Variants in MACROH2A1 observed in about 807,000 individuals in gnomAD.
The protein encoded by MACROH2A1 is macroH2A.1 histone.
In MACROH2A1, 2 loss-of-function variants were observed where a neutral mutation model predicts 31.6. That is an observed-to-expected ratio of 0.06 (90% CI 0.03 to 0.20). MACROH2A1 has a LOEUF of 0.20. Among genes scored for constraint, MACROH2A1 ranks in the 10% least tolerant of loss-of-function variants. MACROH2A1 has a pLI of 1.00. For synonymous variants in MACROH2A1, 169 were observed against 189.6 expected, an observed-to-expected ratio of 0.89 and a Z score of 0.89; for missense variants, 230 against 474.0, an observed-to-expected ratio of 0.49 and a Z score of 4.78.
At position 135,398,294 on chromosome 5, in the gene MACROH2A1, A is replaced by G. The variant is rs1345856504; in HGVS notation, c.-34+768T>C. Among the ~76,000 whole-genome samples, 1 of 151,738 alleles carries G rather than the reference A, an allele frequency of 6.6e-6. No homozygotes were observed. Among genetic ancestry groups the G allele is most frequent in the Admixed American group, 6.6e-5 (1 of 15,252 alleles). ...CACCTCCCCACTCCACCCCACCCCCAGCGAGGCTCTTTCCTGCTGGCCTTC... is the reference window on the plus strand; with the variant it reads ...CACCTCCCCACTCCACCCCACCCCCGGCGAGGCTCTTTCCTGCTGGCCTTC... On this transcript the variant is annotated intron_variant, in intron 1 of 8. Coordinates refer to ENST00000511689, the MANE Select transcript of MACROH2A1 (RefSeq NM_138610.3). This position sits in a 1 kb window ranked among gnomAD's most constrained non-coding sequence, Gnocchi z 4.6.
chr5:135,367,551 T>C (rs931017424), intron 4 of MACROH2A1, among the ~76,000 whole-genome samples: 1 of 152,162 alleles, frequency 6.6e-6, no homozygotes, highest in African/African-American at 2.4e-5. Flanking sequence ...CAGAAAGTCA[T>C]AGAACAAAAA....
chr5:135,339,418 G>A (rs1436791296), intron 8 of MACROH2A1, among the ~76,000 whole-genome samples: 3 of 152,206 alleles, frequency 2.0e-5, no homozygotes, highest in Non-Finnish European at 2.9e-5. Flanking sequence ...CCTGCTCTCA[G>A]TGAGCTCACC....
chr5:135,366,572 G>A (rs1272606102), intron 4 of MACROH2A1, among the ~76,000 whole-genome samples: 1 of 149,968 alleles, frequency 6.7e-6, no homozygotes, highest in African/African-American at 2.5e-5. Flanking sequence ...GGGCTCATAC[G>A]ATTTTTATTT....
chr5:135,353,208 T>C, intron 5 of MACROH2A1, 163 bp from the exon 6 acceptor site: 1 of 595,890 alleles, frequency 1.7e-6, no homozygotes, highest in African/African-American at 1.9e-5. Context: ...AACATAAGAC[T>C]CAAATGCTGC....
intron 2 of MACROH2A1, among the ~76,000 whole-genome samples, chr5:135,384,464 T>C (rs996270307): frequency 2.6e-5 from 4 of 152,138 alleles, no homozygotes; most frequent in Admixed American, 2.6e-4. Flanking sequence ...ATCCAGTCTG[T>C]AAAGTGGATA....
intron 5 of MACROH2A1, chr5:135,359,301 A>T (rs1218341783): frequency 1.0e-6 from 1 of 985,268 alleles, no homozygotes; most frequent in African/African-American, 1.7e-5. Context: ...CTTTCAATAC[A>T]TTACCCAAGG....
At chr5:135,346,264 T>G in intron 6 of MACROH2A1, 2 of 568,748 alleles carry the variant, frequency 3.5e-6, no homozygotes. Context: ...TGCTGCTTCA[T>G]CTGGCTGTCT....
intron 4 of MACROH2A1, among the ~76,000 whole-genome samples, chr5:135,366,984 C>T (rs1033639341): frequency 6.6e-6 from 1 of 152,190 alleles, no homozygotes; most frequent in African/African-American, 2.4e-5. Flanking sequence ...ATTTCCACTA[C>T]AGCTGACTCA....
intron 7 of MACROH2A1, chr5:135,343,730 T>C (rs1355979759): frequency 1.5e-5 from 6 of 410,880 alleles, no homozygotes; most frequent in Non-Finnish European, 2.7e-5. Context: ...GGCAGAGCCT[T>C]ATCCATCAAA....
Position 135,346,251 on chromosome 5 carries a change from A to G in MACROH2A1, c.689-194T>C, listed in dbSNP as rs924269435. ...TTGTCATCACCAGTTACTACCCTCAAATTGCTGCTTCATCTGGCTGTCTCT... is the reference window on the plus strand; with the variant it reads ...TTGTCATCACCAGTTACTACCCTCAGATTGCTGCTTCATCTGGCTGTCTCT... On this transcript the variant is annotated intron_variant, in intron 6 of 8. Transcript: ENST00000511689. 6.9e-6 allele frequency: 4 copies of G among 581,240 alleles called. No homozygotes were observed. In the Admixed American group the frequency reaches 8.4e-5, roughly 12 times the overall value. The allele number at this position is 581,240 out of a possible 1,614,324, so 36.0% of individuals were successfully genotyped here.
At chr5:135,351,087 G>C in intron 6 of MACROH2A1, 1 of 494,058 alleles carries the variant, frequency 2.0e-6, no homozygotes, top group Non-Finnish European at 3.6e-6. Context: ...GAGGACAGGA[G>C]GAGGAGGAAT....
rs1416061282 is a variant in MACROH2A1, at chr5:135,382,164, G to A, written c.172+6758C>T. Among the ~76,000 whole-genome samples the A allele has an allele frequency of 2.0e-5, 3 of 152,254 alleles. No individual in the cohort carries two copies. The East Asian group carries it at 5.8e-4, about 29-fold the overall frequency. On this transcript the variant is annotated intron_variant, in intron 2 of 8. Coordinates refer to ENST00000511689, the MANE Select transcript of MACROH2A1 (RefSeq NM_138610.3). ...TGCTTGTCTGTTGGCCCAAGCAAAA[G>A]AAGAACCCTTCATATGGAACTTGTC...
Position 135,334,493 on chromosome 5 carries a change from T to TAAGAC in MACROH2A1, c.*478_*482dup, listed in dbSNP as rs1758354701. The TAAGAC allele has an allele frequency of 5.7e-6, 1 of 174,186 alleles. No homozygotes were observed. The highest frequency in any genetic ancestry group is 2.4e-5 in the African/African-American group (1 of 41,724). The allele number at this position is 174,186 out of a possible 1,614,324, so 10.8% of individuals were successfully genotyped here. Reference sequence around the variant, plus strand: ...AATCTTTCATTTTCAAATCCATCAATAAGACAAAAAGTAACCAAAAATTAG... The same window carrying TAAGAC: ...AATCTTTCATTTTCAAATCCATCAATAAGACAAGACAAAAAGTAACCAAAAATTAG... On this transcript the variant is annotated 3_prime_UTR_variant, in exon 9 of 9. Transcript: ENST00000511689.
At chr5:135,381,935 T>A (rs990818343) in intron 2 of MACROH2A1, among the ~76,000 whole-genome samples, 6 of 152,230 alleles carry the variant, frequency 3.9e-5, no homozygotes, top group African/African-American at 1.4e-4. Context: ...CTGAAAACTT[T>A]ATAGATGTGA....
chr5:135,362,494 T>G (rs1762964951), intron 4 of MACROH2A1: 1 of 152,198 alleles, frequency 6.6e-6, no homozygotes, highest in Non-Finnish European at 1.5e-5. Context: ...CCATTTCAAT[T>G]TTTTTTAGTG....
At chr5:135,376,848 C>T (rs1764945110) in intron 2 of MACROH2A1, among the ~76,000 whole-genome samples, 2 of 152,168 alleles carry the variant, frequency 1.3e-5, no homozygotes, top group Admixed American at 6.5e-5. Flanking sequence ...GTGCGACAAG[C>T]TTGATTACCA....
At chr5:135,383,111 C>T (rs1171974773) in intron 2 of MACROH2A1, among the ~76,000 whole-genome samples, 1 of 152,208 alleles carries the variant, frequency 6.6e-6, no homozygotes, top group Non-Finnish European at 1.5e-5. Flanking sequence ...AATACCACAT[C>T]ATCAGGGAAA....
chr5:135,338,925 G>A (rs1364246487), intron 8 of MACROH2A1, among the ~76,000 whole-genome samples: 1 of 152,202 alleles, frequency 6.6e-6, no homozygotes, highest in Non-Finnish European at 1.5e-5. Flanking sequence ...TAGAAATTAG[G>A]TGTTTCAGGG....
At chr5:135,379,094 G>A (rs1188967984) in intron 2 of MACROH2A1, among the ~76,000 whole-genome samples, 2 of 152,158 alleles carry the variant, frequency 1.3e-5, no homozygotes, top group African/African-American at 4.8e-5. Flanking sequence ...TCAGAATATC[G>A]ATGGCAAGGG....
Sources: allele counts gnomAD v4.1 joint callset (sites outside exome capture counted in the v4.1 genomes callset), GRCh38; gene constraint gnomAD v4.1.1; non-coding constraint Gnocchi (gnomAD v3.1); transcripts MANE v1.5; gene names NCBI Gene and HGNC (gene_info 2026-07-23, HGNC 2026-07-21).